SLC25A21: variants seen among roughly 807,000 people sequenced by gnomAD.
SLC25A21 encodes mitochondrial 2-oxodicarboxylate carrier.
Under a neutral mutation model 43.8 loss-of-function variants are expected in SLC25A21, and 47 were observed. That is an observed-to-expected ratio of 1.07 (90% confidence interval 0.85 to 1.37). SLC25A21 has a LOEUF of 1.37. SLC25A21 is among the 40% of genes most tolerant of loss of function. The pLI is 0.00. For synonymous variants in SLC25A21, 131 were observed against 121.3 expected (o/e 1.08, Z -0.52); for missense variants, 352 against 350.2 (o/e 1.00, Z -0.04).
At chr14:36,689,828 CTG>C (rs1469356700) in intron 7 of SLC25A21, among the ~76,000 whole-genome samples, 2 of 152,218 alleles carry the variant, frequency 1.3e-5, no homozygotes, top group Non-Finnish European at 2.9e-5. Flanking sequence ...ATGGTAAAGT[CTG>C]AGAACCACTG....
At chr14:36,838,215 T>C (rs761698094) in intron 2 of SLC25A21, among the ~76,000 whole-genome samples, 21 of 152,200 alleles carry the variant, frequency 1.4e-4, no homozygotes, top group Non-Finnish European at 3.1e-4. Context: ...GGTGTGAGGA[T>C]ACGGGCTTGC....
chr14:36,952,933 G>T (rs1334778914), intron 1 of SLC25A21, among the ~76,000 whole-genome samples: 2 of 152,166 alleles, frequency 1.3e-5, no homozygotes, highest in African/African-American at 4.8e-5. Context: ...TTTAGATCTG[G>T]TTACTCATCT....
intron 3 of SLC25A21, among the ~76,000 whole-genome samples, chr14:36,809,637 A>G (rs1888164065): frequency 6.6e-6 from 1 of 152,202 alleles, no homozygotes; most frequent in Non-Finnish European, 1.5e-5. Flanking sequence ...AGAATGGTGG[A>G]GAGAACCATT....
intron 1 of SLC25A21, among the ~76,000 whole-genome samples, chr14:36,891,576 A>G (rs1891073378): frequency 6.6e-6 from 1 of 152,164 alleles, no homozygotes; most frequent in East Asian, 1.9e-4. Flanking sequence ...CAATGGCAGA[A>G]ACTAAAAGGA....
intron 1 of SLC25A21, among the ~76,000 whole-genome samples, chr14:36,974,580 T>A (rs1233697716): frequency 6.6e-6 from 1 of 152,172 alleles, no homozygotes; most frequent in Admixed American, 6.5e-5. Flanking sequence ...AAATCCAATT[T>A]GGCAAGAATA....
intron 1 of SLC25A21, among the ~76,000 whole-genome samples, chr14:36,893,518 C>G (rs1199147377): frequency 6.6e-6 from 1 of 152,156 alleles, no homozygotes; most frequent in Non-Finnish European, 1.5e-5. Context: ...ATGGTAGTTT[C>G]TTTTGCTGTG....
chr14:36,797,497 T>A lies in SLC25A21; in HGVS notation c.203+16421A>T, dbSNP rs116362635. ...AAAATTCAAGAGCTCTTCTTACATG[T>A]AAGCTACATGAAACAGCAGAAAAAG... On this transcript the variant is annotated intron_variant, in intron 3 of 9. Coordinates refer to ENST00000331299, the MANE Select transcript of SLC25A21 (RefSeq NM_030631.4). Among the ~76,000 whole-genome samples, 628 of 152,326 alleles carry A rather than the reference T, an allele frequency of 4.1e-3. 3 individuals carry two copies. Among genetic ancestry groups the A allele is most frequent in the African/African-American group, 0.014 (593 of 41,578 alleles).
intron 1 of SLC25A21, among the ~76,000 whole-genome samples, chr14:37,053,696 A>T (rs1961758995): frequency 6.6e-6 from 1 of 152,208 alleles, no homozygotes. Flanking sequence ...AACCTGAAAT[A>T]GTTTGTTATA....
At chr14:36,965,945 T>C (rs1959602897) in intron 1 of SLC25A21, among the ~76,000 whole-genome samples, 1 of 152,234 alleles carries the variant, frequency 6.6e-6, no homozygotes, top group Non-Finnish European at 1.5e-5. Context: ...TTGCCCATGA[T>C]GTGATTATTA....
At chr14:37,156,958 T>C (rs1213871476) in intron 1 of SLC25A21, among the ~76,000 whole-genome samples, 1 of 152,182 alleles carries the variant, frequency 6.6e-6, no homozygotes, top group Non-Finnish European at 1.5e-5. Context: ...AAACATTATA[T>C]CCAACAAGTG....
At chr14:36,964,973 T>G (rs1045949416) in intron 1 of SLC25A21, among the ~76,000 whole-genome samples, 1 of 152,170 alleles carries the variant, frequency 6.6e-6, no homozygotes, top group Non-Finnish European at 1.5e-5. Context: ...TTTTCTAAAT[T>G]AACTGAAGGA....
intron 3 of SLC25A21, among the ~76,000 whole-genome samples, chr14:36,797,928 G>A (rs1887729215): frequency 2.0e-5 from 3 of 152,144 alleles, no homozygotes. Flanking sequence ...TACTCCTGGT[G>A]GTTTTACCTT....
intron 7 of SLC25A21, among the ~76,000 whole-genome samples, chr14:36,705,044 C>T (rs1225285082): frequency 6.6e-6 from 1 of 151,946 alleles, no homozygotes; most frequent in Non-Finnish European, 1.5e-5. Flanking sequence ...CCTGAGTTAC[C>T]GGGGCTTACC....
At chr14:36,896,278 C>T (rs1306526932) in intron 1 of SLC25A21, among the ~76,000 whole-genome samples, 1 of 152,082 alleles carries the variant, frequency 6.6e-6, no homozygotes, top group East Asian at 1.9e-4. Context: ...TGAATTGATC[C>T]CTTTACCATT....
chr14:36,969,266 A>T (rs1487786092), intron 1 of SLC25A21, among the ~76,000 whole-genome samples: 1 of 152,132 alleles, frequency 6.6e-6, no homozygotes, highest in African/African-American at 2.4e-5. Context: ...TTGTGTGCTG[A>T]GCTGCTTTTC....
In SLC25A21 at chr14:36,768,260, C is replaced by G. The variant is rs751808574; in HGVS notation, c.204-33687G>C. ...AGGGAGCCAGGTGCAGTTTGAGAAC[C>G]AGCAAGCTAGAGATACACATAATAT... On this transcript the variant is annotated intron_variant, in intron 3 of 9. Transcript: ENST00000331299. Among the ~76,000 whole-genome samples the G allele has an allele frequency of 2.6e-5, 4 of 152,246 alleles. No individual in the cohort carries two copies. In the South Asian group the frequency reaches 8.3e-4, roughly 32 times the overall value.
chr14:36,931,697 T>G (rs1892297325), intron 1 of SLC25A21, among the ~76,000 whole-genome samples: 1 of 152,120 alleles, frequency 6.6e-6, no homozygotes, highest in South Asian at 2.1e-4. Context: ...AGAAGAGCAC[T>G]CAAGAATCTA....
chr14:36,926,158 T>C (rs1249603873), intron 1 of SLC25A21, among the ~76,000 whole-genome samples: 3 of 152,204 alleles, frequency 2.0e-5, no homozygotes, highest in Non-Finnish European at 4.4e-5. Context: ...AGACAGAATA[T>C]GATTTCTGAC....
intron 4 of SLC25A21, among the ~76,000 whole-genome samples, chr14:36,731,074 G>A (rs1168793566): frequency 1.3e-5 from 2 of 150,756 alleles, no homozygotes; most frequent in African/African-American, 2.4e-5. Context: ...CCGGGTTCAC[G>A]CCATTCTCCT....
Sources: allele counts gnomAD v4.1 joint callset (sites outside exome capture counted in the v4.1 genomes callset), GRCh38; gene constraint gnomAD v4.1.1; transcripts MANE v1.5; gene names NCBI Gene and HGNC (gene_info 2026-07-23, HGNC 2026-07-21).